LYPD6: variants seen among roughly 807,000 people sequenced by gnomAD.
The protein encoded by LYPD6 is ly6/PLAUR domain-containing protein 6.
In LYPD6, 15 loss-of-function variants were observed where a neutral mutation model predicts 22.7. The observed-to-expected ratio is 0.66, with a 90% CI of 0.44 to 1.02. The LOEUF (loss-of-function observed/expected upper bound fraction) is 1.02, where lower values mean the gene tolerates loss of function less well. Among genes scored for constraint, LYPD6 ranks in the 50% least tolerant of loss-of-function variants. The pLI is 0.00. For missense variants in LYPD6, 189 were observed against 208.4 expected (o/e 0.91, Z 0.57); for synonymous variants, 72 against 77.5 (o/e 0.93, Z 0.37).
intron 3 of LYPD6, among the ~76,000 whole-genome samples, chr2:149,455,549 C>T (rs897260931): frequency 1.2e-4 from 19 of 152,272 alleles, no homozygotes; most frequent in Middle Eastern, 6.8e-3. Context: ...TGAGCCACCA[C>T]GCCTGGCCTC....
intron 1 of LYPD6, among the ~76,000 whole-genome samples, chr2:149,406,566 T>C (rs1174211367): frequency 1.3e-5 from 2 of 152,218 alleles, no homozygotes; most frequent in East Asian, 1.9e-4. Flanking sequence ...CCCTGCCTTA[T>C]TTGTTTTCCA....
At chr2:149,430,650 TTC>T (rs1288541920) in intron 1 of LYPD6, among the ~76,000 whole-genome samples, 1 of 152,240 alleles carries the variant, frequency 6.6e-6, no homozygotes, top group African/African-American at 2.4e-5. Flanking sequence ...ATTTTTAAAT[TTC>T]TGTTTGAATA....
At chr2:149,442,218 A>C (rs1169834356) in intron 2 of LYPD6, among the ~76,000 whole-genome samples, 2 of 152,226 alleles carry the variant, frequency 1.3e-5, no homozygotes, top group East Asian at 3.8e-4. Context: ...GTTTGGATGC[A>C]TTACACATCA....
chr2:149,425,034 C>T (rs1028021260), intron 1 of LYPD6, among the ~76,000 whole-genome samples: 7 of 152,186 alleles, frequency 4.6e-5, no homozygotes, highest in African/African-American at 1.7e-4. Flanking sequence ...GGTTGTGTGT[C>T]ATCCCTGTCT....
chr2:149,396,350 A>C (rs1487502607), intron 1 of LYPD6, among the ~76,000 whole-genome samples: 1 of 151,862 alleles, frequency 6.6e-6, no homozygotes. Context: ...CACACCAAGA[A>C]CTTCAGAATG....
intron 1 of LYPD6, among the ~76,000 whole-genome samples, chr2:149,403,926 G>T (rs1682626530): frequency 6.6e-6 from 1 of 152,162 alleles, no homozygotes; most frequent in Non-Finnish European, 1.5e-5. Context: ...GTAAGGAAGG[G>T]ATCCAGTTTC....
chr2:149,389,668 G>A (rs920298899), intron 1 of LYPD6, among the ~76,000 whole-genome samples: 1 of 152,138 alleles, frequency 6.6e-6, no homozygotes, highest in Non-Finnish European at 1.5e-5. Context: ...ATGGGGTTTA[G>A]GTTTGGTATC....
At chr2:149,360,651 A>G (rs375640862) in intron 1 of LYPD6, among the ~76,000 whole-genome samples, 2 of 151,220 alleles carry the variant, frequency 1.3e-5, no homozygotes, top group East Asian at 1.9e-4. Flanking sequence ...TAGCTTTTAA[A>G]TTGGGTTCTG....
At chr2:149,431,369 G>A (rs1329899641) in intron 1 of LYPD6, among the ~76,000 whole-genome samples, 1 of 152,218 alleles carries the variant, frequency 6.6e-6, no homozygotes, top group Non-Finnish European at 1.5e-5. Context: ...ATCTGAACAT[G>A]TCCAGCGTCA....
intron 1 of LYPD6, among the ~76,000 whole-genome samples, chr2:149,380,620 A>G (rs1236850534): frequency 2.0e-5 from 3 of 152,174 alleles, no homozygotes; most frequent in Non-Finnish European, 4.4e-5. Context: ...TCTGTTTTGG[A>G]CATTGAAAGT....
chr2:149,485,049 T>G, the LYPD6 span, among the ~76,000 whole-genome samples: 1 of 152,168 alleles, frequency 6.6e-6, no homozygotes, highest in South Asian at 2.1e-4. Flanking sequence ...GTGGAGTGCC[T>G]GATATTAAAC....
intron 1 of LYPD6, among the ~76,000 whole-genome samples, chr2:149,435,616 C>G (rs1427905510): frequency 6.6e-5 from 10 of 152,222 alleles, no homozygotes; most frequent in Non-Finnish European, 1.5e-5. Context: ...ATGTTTGTCT[C>G]TGTCACTTGG....
At chr2:149,415,811 C>T (rs896707088) in intron 1 of LYPD6, among the ~76,000 whole-genome samples, 36 of 151,684 alleles carry the variant, frequency 2.4e-4, no homozygotes, top group African/African-American at 7.0e-4. Context: ...GGACTACAGG[C>T]GCACACCACT....
chr2:149,332,165 C>T (rs79336850), intron 1 of LYPD6, among the ~76,000 whole-genome samples: 186 of 152,344 alleles, frequency 1.2e-3, no homozygotes, highest in African/African-American at 4.2e-3. Flanking sequence ...CGACCAAAGG[C>T]ACCAGACTGA....
At chr2:149,365,524 GA>G (rs1429184196) in intron 1 of LYPD6, among the ~76,000 whole-genome samples, 1 of 151,894 alleles carries the variant, frequency 6.6e-6, no homozygotes, top group African/African-American at 2.4e-5. Context: ...TGTTATTAAG[GA>G]TTTTTTTTTC....
chr2:149,401,178 C>T (rs1443740398), intron 1 of LYPD6, among the ~76,000 whole-genome samples: 2 of 152,160 alleles, frequency 1.3e-5, no homozygotes, highest in Non-Finnish European at 2.9e-5. Flanking sequence ...CCACTTACGT[C>T]TCATTGATCA....
the LYPD6 span, among the ~76,000 whole-genome samples, chr2:149,485,247 G>A: frequency 6.6e-6 from 1 of 152,138 alleles, no homozygotes; most frequent in Non-Finnish European, 1.5e-5. Flanking sequence ...TAATAAAATG[G>A]TACATTGGTA....
chr2:149,444,550 G>T (rs1427781486), intron 2 of LYPD6, among the ~76,000 whole-genome samples: 1 of 152,142 alleles, frequency 6.6e-6, no homozygotes, highest in African/African-American at 2.4e-5. Context: ...TCAAAACCCT[G>T]CCACTGCTTT....
downstream of LYPD6, among the ~76,000 whole-genome samples, chr2:149,478,794 T>C (rs1681480777): frequency 1.3e-5 from 2 of 152,108 alleles, no homozygotes; most frequent in South Asian, 4.1e-4. Flanking sequence ...TTTTACTTTA[T>C]TTTTCCACCT....
Sources: allele counts gnomAD v4.1 joint callset (sites outside exome capture counted in the v4.1 genomes callset), GRCh38; gene constraint gnomAD v4.1.1; transcripts MANE v1.5; gene names NCBI Gene and HGNC (gene_info 2026-07-23, HGNC 2026-07-21).